The following WWOX variants were observed in gnomAD, a reference collection of about 807,000 sequenced individuals.
The protein encoded by WWOX is WW domain containing oxidoreductase, also known as WW domain-containing oxidoreductase.
A neutral mutation model predicts 46.2 loss-of-function variants in WWOX; 69 were observed. The observed-to-expected ratio is 1.49, with a 90% CI of 1.23 to 1.82. The LOEUF is 1.82. Among genes scored for constraint, WWOX ranks in the 40% most tolerant of loss-of-function variants. WWOX has a pLI of 0.00. For missense variants in WWOX, 919 were observed against 542.6 expected (o/e 1.69, Z -6.89); for synonymous variants, 359 against 202.6 (o/e 1.77, Z -6.56).
At chr16:78,516,680 T>C (rs1042341923) in intron 8 of WWOX, among the ~76,000 whole-genome samples, 6 of 152,246 alleles carry the variant, frequency 3.9e-5, no homozygotes, top group African/African-American at 1.4e-4. Flanking sequence ...GCAGGGTATA[T>C]ACTTTTGCAC....
intron 7 of WWOX, among the ~76,000 whole-genome samples, chr16:78,432,150 C>G (rs2083235062): frequency 6.7e-6 from 1 of 150,034 alleles, no homozygotes; most frequent in Non-Finnish European, 1.5e-5. Flanking sequence ...CCGAGTCTAG[C>G]TCTGTCACCC....
chr16:78,471,480 T>A (rs978593990), intron 8 of WWOX, among the ~76,000 whole-genome samples: 2 of 152,238 alleles, frequency 1.3e-5, no homozygotes, highest in Admixed American at 1.3e-4. Flanking sequence ...ACGTTCTCCA[T>A]CGTTTGGATC....
At chr16:78,789,342 A>T (rs968669445) in intron 8 of WWOX, among the ~76,000 whole-genome samples, 2 of 152,222 alleles carry the variant, frequency 1.3e-5, no homozygotes, top group African/African-American at 2.4e-5. Flanking sequence ...TAAGGTAGGC[A>T]TTCAACTTTG....
chr16:78,642,549 C>T (rs922972285), intron 8 of WWOX, among the ~76,000 whole-genome samples: 6 of 152,094 alleles, frequency 3.9e-5, no homozygotes, highest in African/African-American at 1.4e-4. Flanking sequence ...CTGTGATTTT[C>T]GCGCCACCAG....
intron 4 of WWOX, 144 bp downstream of exon 4, chr16:78,115,298 A>G (rs1361586962): frequency 6.9e-6 from 7 of 1,008,530 alleles, no homozygotes; most frequent in East Asian, 2.6e-5. Context: ...TAACATCACT[A>G]CCTCTTTTTA....
intron 8 of WWOX, among the ~76,000 whole-genome samples, chr16:78,537,304 T>C (rs1175820437): frequency 6.6e-6 from 1 of 152,134 alleles, no homozygotes; most frequent in Non-Finnish European, 1.5e-5. Flanking sequence ...TGACTTAATC[T>C]TTGAAATAAC....
chr16:78,473,938 C>A (rs963371583), intron 8 of WWOX, among the ~76,000 whole-genome samples: 1 of 152,206 alleles, frequency 6.6e-6, no homozygotes, highest in African/African-American at 2.4e-5. Context: ...CTCCCTTTCC[C>A]TGTTAATTCC....
chr16:78,712,602 C>T (rs2048466912), intron 8 of WWOX, among the ~76,000 whole-genome samples: 1 of 152,000 alleles, frequency 6.6e-6, no homozygotes, highest in Admixed American at 6.6e-5. Context: ...GGGGAACCTG[C>T]TCTCAAAGAC....
chr16:78,935,318 G>T (rs939406435), intron 8 of WWOX, among the ~76,000 whole-genome samples: 1 of 151,982 alleles, frequency 6.6e-6, no homozygotes, highest in Non-Finnish European at 1.5e-5. Context: ...TGTTTATTGC[G>T]GCACTATTCA....
chr16:78,566,843 G>A (rs2044580950), intron 8 of WWOX, among the ~76,000 whole-genome samples: 2 of 152,256 alleles, frequency 1.3e-5, no homozygotes, highest in East Asian at 1.9e-4. Flanking sequence ...TCAGAGTGGG[G>A]CATGGCTGTC....
At chr16:78,624,498 C>A (rs1248165662) in intron 8 of WWOX, among the ~76,000 whole-genome samples, 3 of 152,144 alleles carry the variant, frequency 2.0e-5, no homozygotes, top group Non-Finnish European at 4.4e-5. Context: ...CAAATCTTTC[C>A]CTCACAGGAC....
intron 8 of WWOX, among the ~76,000 whole-genome samples, chr16:78,727,093 C>T (rs1348059417): frequency 1.3e-5 from 2 of 152,106 alleles, no homozygotes; most frequent in Non-Finnish European, 2.9e-5. Flanking sequence ...AGAATGCATC[C>T]ATGGAATATG....
intron 8 of WWOX, among the ~76,000 whole-genome samples, chr16:78,600,677 T>G (rs911651795): frequency 6.6e-6 from 1 of 152,118 alleles, no homozygotes; most frequent in African/African-American, 2.4e-5. Context: ...CCCTGGTAGC[T>G]GATGAAACTG....
At chr16:78,430,853 T>G (rs1466091793) in intron 7 of WWOX, among the ~76,000 whole-genome samples, 1 of 152,218 alleles carries the variant, frequency 6.6e-6, no homozygotes, top group Admixed American at 6.5e-5. Context: ...AACATGAATT[T>G]CATTCTGCCC....
chr16:78,885,303 G>C (rs2044431866), intron 8 of WWOX, among the ~76,000 whole-genome samples: 1 of 149,628 alleles, frequency 6.7e-6, no homozygotes, highest in Non-Finnish European at 1.5e-5. Context: ...AAATTATCCA[G>C]TCTTATAAAT....
intron 8 of WWOX, among the ~76,000 whole-genome samples, chr16:79,097,375 C>A (rs937996276): frequency 3.4e-5 from 5 of 145,898 alleles, no homozygotes; most frequent in African/African-American, 1.3e-4. Context: ...TGGCCCACAT[C>A]ACTGCAGCCC....
chr16:79,196,755 A>G (rs1231787395), intron 8 of WWOX, among the ~76,000 whole-genome samples: 1 of 152,030 alleles, frequency 6.6e-6, no homozygotes, highest in Non-Finnish European at 1.5e-5. Flanking sequence ...ATTTGTTACA[A>G]CATGTAGATT....
chr16:78,768,873 G>A (rs552567570), intron 8 of WWOX, among the ~76,000 whole-genome samples: 4 of 152,148 alleles, frequency 2.6e-5, no homozygotes, highest in African/African-American at 7.2e-5. Context: ...AGCATGACCC[G>A]CCAATGCCGT....
At chr16:78,884,044 C>T (rs966885025) in intron 8 of WWOX, among the ~76,000 whole-genome samples, 3 of 151,816 alleles carry the variant, frequency 2.0e-5, no homozygotes, top group South Asian at 2.1e-4. Flanking sequence ...TTTGGGAGGC[C>T]GAGGCAGGCA....
Sources: gnomAD v4.1 joint callset for allele counts (sites outside exome capture counted in the v4.1 genomes callset) on GRCh38, gnomAD v4.1.1 for gene constraint, MANE v1.5 for transcripts, NCBI Gene and HGNC (gene_info 2026-07-23, HGNC 2026-07-21) for gene names.